NCAM1: variants seen among roughly 807,000 people sequenced by gnomAD.
NCAM1 encodes the protein neural cell adhesion molecule 1, also known as antigen recognized by monoclonal antibody 5.1H11.
Under a neutral mutation model 109.8 loss-of-function variants are expected in NCAM1, and 14 were observed. That is an observed-to-expected ratio of 0.13 (90% CI 0.08 to 0.20). The LOEUF (loss-of-function observed/expected upper bound fraction) is 0.20. Among genes scored for constraint, NCAM1 ranks in the 10% least tolerant of loss-of-function variants. The probability of loss-of-function intolerance (pLI) is 1.00; values close to 1 mark genes in which losing one functional copy is unlikely to be tolerated. For missense variants in NCAM1, 774 were observed against 1,109.9 expected, an observed-to-expected ratio of 0.70 and a Z score of 4.30; for synonymous variants, 418 against 442.9, an observed-to-expected ratio of 0.94 and a Z score of 0.70.
At chr11:113,115,618 A>G (rs1555094687) in intron 1 of NCAM1, among the ~76,000 whole-genome samples, 2 of 152,336 alleles carry the variant, frequency 1.3e-5, no homozygotes, top group South Asian at 2.1e-4. Flanking sequence ...GAATTTTCAG[A>G]TTGTTCTAGA....
Position 113,185,079 on chromosome 11 carries a change from T to TATATATATATAGAGAGAGAG in NCAM1, c.53-17299_53-17298insTATATATATAGAGAGAGAGA. ...GTGTGCATTTATATTTATATATATA[T>TATATATATATAGAGAGAGAG]AGAGAGAGAGAGAGAGAGAGAGAGA... On this transcript the variant is annotated intron_variant, in intron 1 of 19. Coordinates refer to ENST00000316851, the MANE Select transcript of NCAM1 (RefSeq NM_181351.5). Among the ~76,000 whole-genome samples the TATATATATATAGAGAGAGAG allele has an allele frequency of 6.2e-4, 78 of 125,710 alleles. 1 individual carries two copies. The highest frequency in any genetic ancestry group is 1.7e-3 in the East Asian group (6 of 3,474). The allele number at this position is 125,710 out of a possible 152,430, so 82.5% of individuals were successfully genotyped here.
intron 1 of NCAM1, among the ~76,000 whole-genome samples, chr11:112,976,319 A>T (rs1318698729): frequency 2.6e-5 from 4 of 152,086 alleles, no homozygotes; most frequent in African/African-American, 9.6e-5. Context: ...TTCCACTGTG[A>T]GTTTAATCTT....
chr11:113,031,272 G>A (rs998223855), intron 1 of NCAM1, among the ~76,000 whole-genome samples: 1 of 152,276 alleles, frequency 6.6e-6, no homozygotes, highest in South Asian at 2.1e-4. Flanking sequence ...TATTTTCCTT[G>A]TAAGGCACAT....
At chr11:113,189,158 A>C (rs887275518) in intron 1 of NCAM1, among the ~76,000 whole-genome samples, 7 of 152,144 alleles carry the variant, frequency 4.6e-5, no homozygotes, top group African/African-American at 1.7e-4. Context: ...GGAAGTTAAG[A>C]AGCATAGCCT....
At chr11:113,081,571 G>A (rs907565142) in intron 1 of NCAM1, among the ~76,000 whole-genome samples, 4 of 151,148 alleles carry the variant, frequency 2.6e-5, no homozygotes, top group Admixed American at 2.6e-4. Flanking sequence ...TTTCGCTCTT[G>A]TCACCCAGGC....
intron 15 of NCAM1, among the ~76,000 whole-genome samples, chr11:113,251,381 C>T (rs1208325554): frequency 1.3e-5 from 2 of 152,170 alleles, no homozygotes; most frequent in Admixed American, 1.3e-4. Context: ...TAATTACAAA[C>T]AGAGAACCTG....
chr11:112,973,881 G>C (rs1950942512), intron 1 of NCAM1, among the ~76,000 whole-genome samples: 1 of 152,094 alleles, frequency 6.6e-6, no homozygotes, highest in Non-Finnish European at 1.5e-5. Flanking sequence ...ATGCTTCATT[G>C]TGGAGCTGTT....
Position 113,273,025 on chromosome 11 carries a change from C to T in NCAM1, c.2456+1149C>T. ...TCTGACACTATCACCGAAACCTTTG[C>T]CACTGCTCAGAACAGCCCCACCAGT... is the stretch of plus-strand genomic sequence containing the variant. On this transcript the variant is annotated intron_variant, in intron 19 of 19. Coordinates refer to ENST00000316851, the MANE Select transcript of NCAM1 (RefSeq NM_181351.5). The surrounding 1 kb of genome is among the most constrained non-coding windows in gnomAD (Gnocchi z 6.0). 2.2e-6 allele frequency: 1 copy of T among 456,940 alleles called. No individual in the cohort carries two copies. Among genetic ancestry groups the T allele is most frequent in the Non-Finnish European group, 4.4e-6 (1 of 226,974 alleles). 28.3% of individuals were successfully genotyped at this position (456,940 alleles called of 1,614,324 possible).
chr11:113,085,115 T>C (rs1555088004), intron 1 of NCAM1, among the ~76,000 whole-genome samples: 2 of 152,220 alleles, frequency 1.3e-5, no homozygotes, highest in South Asian at 2.1e-4. Context: ...TTCTTATGCT[T>C]ACTACCAAGG....
intron 1 of NCAM1, among the ~76,000 whole-genome samples, chr11:113,024,691 A>G (rs1428346386): frequency 1.3e-5 from 2 of 152,170 alleles, no homozygotes; most frequent in Non-Finnish European, 2.9e-5. Flanking sequence ...GACTTATGGT[A>G]TGGTGAAAAA....
chr11:113,207,037 C>T (rs1421835585), intron 5 of NCAM1, among the ~76,000 whole-genome samples: 2 of 152,172 alleles, frequency 1.3e-5, no homozygotes, highest in African/African-American at 4.8e-5. Flanking sequence ...TATAGCTTCT[C>T]AATTAATGAA....
At chr11:112,996,076 A>C (rs1951589657) in intron 1 of NCAM1, among the ~76,000 whole-genome samples, 1 of 152,186 alleles carries the variant, frequency 6.6e-6, no homozygotes, top group Middle Eastern at 3.2e-3. Flanking sequence ...TTAAACACTG[A>C]ATCAATTTAG....
intron 1 of NCAM1, among the ~76,000 whole-genome samples, chr11:113,168,960 T>G (rs968681335): frequency 3.9e-5 from 6 of 152,016 alleles, no homozygotes; most frequent in Non-Finnish European, 7.4e-5. Flanking sequence ...CTTTATTGCA[T>G]GAACGTGGAG....
chr11:113,009,542 T>A (rs1339710576), intron 1 of NCAM1, among the ~76,000 whole-genome samples: 8 of 151,902 alleles, frequency 5.3e-5, no homozygotes, highest in African/African-American at 1.7e-4. Context: ...AGGTTGGTAA[T>A]TGGAAGGTTT....
intron 1 of NCAM1, among the ~76,000 whole-genome samples, chr11:113,116,833 C>T (rs1043172049): frequency 6.6e-6 from 1 of 151,726 alleles, no homozygotes; most frequent in African/African-American, 2.4e-5. Context: ...GGAAAGGGTC[C>T]AAAGAGTAGA....
intron 1 of NCAM1, among the ~76,000 whole-genome samples, chr11:113,180,405 C>G (rs1392155083): frequency 6.6e-6 from 1 of 152,228 alleles, no homozygotes; most frequent in East Asian, 1.9e-4. Context: ...GAAGCATTAG[C>G]TGCAGGATAA....
chr11:112,986,447 T>C (rs1393052896), intron 1 of NCAM1, among the ~76,000 whole-genome samples: 7 of 152,016 alleles, frequency 4.6e-5, no homozygotes, highest in Admixed American at 3.9e-4. Flanking sequence ...GAAGTGTTCC[T>C]TCCTCTTTAA....
intron 17 of NCAM1, 52 bp from the exon 18 acceptor site, chr11:113,270,136 G>T: frequency 6.3e-7 from 1 of 1,578,036 alleles, no homozygotes. Context: ...GCAGGGTCTG[G>T]AGGTCTCGCA....
chr11:113,222,058 A>C (rs1312589046), intron 9 of NCAM1, among the ~76,000 whole-genome samples: 4 of 152,194 alleles, frequency 2.6e-5, no homozygotes, highest in Non-Finnish European at 4.4e-5. Flanking sequence ...ACATCTCAAG[A>C]CCCTACTTAT....
Sources: allele counts gnomAD v4.1 joint callset (sites outside exome capture counted in the v4.1 genomes callset), GRCh38; gene constraint gnomAD v4.1.1; non-coding constraint Gnocchi (gnomAD v3.1); transcripts MANE v1.5; gene names NCBI Gene and HGNC (gene_info 2026-07-23, HGNC 2026-07-21).